HECW1: variants seen among roughly 807,000 people sequenced by gnomAD.
The protein encoded by HECW1 is E3 ubiquitin-protein ligase HECW1.
HECW1 carries 61 observed loss-of-function variants against 182.3 expected under a neutral mutation model. That is an observed-to-expected ratio of 0.33 (90% CI 0.27 to 0.41). The LOEUF is 0.41. Among genes scored for constraint, HECW1 ranks in the 10% least tolerant of loss-of-function variants. HECW1 has a pLI of 1.00. For missense variants in HECW1, 1,739 were observed against 2,108.9 expected (o/e 0.82, Z 3.44); for synonymous variants, 859 against 832.6 (o/e 1.03, Z -0.55).
At chr7:43,223,563 G>A (rs150850149) in intron 2 of HECW1, among the ~76,000 whole-genome samples, 5 of 152,006 alleles carry the variant, frequency 3.3e-5, no homozygotes, top group African/African-American at 1.2e-4. Flanking sequence ...AAGTTGAAGC[G>A]AGCTGAGATT....
At chr7:43,170,598 T>C (rs566214786) in intron 2 of HECW1, among the ~76,000 whole-genome samples, 1 of 152,214 alleles carries the variant, frequency 6.6e-6, no homozygotes, top group South Asian at 2.1e-4. Flanking sequence ...GAGGTCAGGG[T>C]GGCTGGAAAA....
At chr7:43,466,061 G>GGGAA (rs879276555) in intron 14 of HECW1, among the ~76,000 whole-genome samples, 1 of 128,250 alleles carries the variant, frequency 7.8e-6, no homozygotes, top group Non-Finnish European at 1.6e-5. Context: ...GAGGGAGGGA[G>GGGAA]GGAAGGAAGG....
intron 24 of HECW1, among the ~76,000 whole-genome samples, chr7:43,520,657 T>TA (rs1563084463): frequency 1.2e-4 from 18 of 152,102 alleles, no homozygotes; most frequent in East Asian, 1.2e-3. Flanking sequence ...AAGGTTTTTT[T>TA]TAAAAAAAAC....
chr7:43,347,033 A>G (rs906981492), intron 5 of HECW1, among the ~76,000 whole-genome samples: 1 of 152,084 alleles, frequency 6.6e-6, no homozygotes, highest in Non-Finnish European at 1.5e-5. Flanking sequence ...GTGAAGAATG[A>G]TGGTGGTATT....
At chr7:43,533,678 A>C (rs559324002) in intron 24 of HECW1, among the ~76,000 whole-genome samples, 9 of 152,286 alleles carry the variant, frequency 5.9e-5, no homozygotes, top group East Asian at 1.9e-4. Context: ...AACAGACCTC[A>C]GTGTCCTGCC....
chr7:43,166,766 G>A (rs1791167306), intron 2 of HECW1, among the ~76,000 whole-genome samples: 1 of 152,176 alleles, frequency 6.6e-6, no homozygotes, highest in Non-Finnish European at 1.5e-5. Context: ...TGTTGGTCAG[G>A]TGGAAAGGGC....
At chr7:43,560,319 G>GT (rs1473407827) in intron 29 of HECW1, among the ~76,000 whole-genome samples, 4 of 152,192 alleles carry the variant, frequency 2.6e-5, no homozygotes, top group African/African-American at 9.6e-5. Context: ...AGGAAGGCCT[G>GT]TTTGAATCTT....
intron 2 of HECW1, among the ~76,000 whole-genome samples, chr7:43,137,917 G>C (rs915630881): frequency 5.3e-5 from 8 of 150,496 alleles, no homozygotes; most frequent in African/African-American, 2.0e-4. Flanking sequence ...AAATCCAGAT[G>C]TCATATTATT....
chr7:43,495,085 A>G (rs76205128), intron 19 of HECW1, among the ~76,000 whole-genome samples: 24,282 of 152,148 alleles, frequency 0.16, 2,483 homozygotes, highest in South Asian at 0.23. Context: ...TGATGTTACC[A>G]TGGCATTTGT....
At chr7:43,231,660 G>A (rs551355407) in intron 2 of HECW1, among the ~76,000 whole-genome samples, 11 of 152,180 alleles carry the variant, frequency 7.2e-5, no homozygotes, top group South Asian at 2.1e-4. Flanking sequence ...CTCAGCTGTC[G>A]TCAGCAGGAA....
chr7:43,465,120 T>C (rs2077719779), intron 14 of HECW1, among the ~76,000 whole-genome samples: 1 of 152,144 alleles, frequency 6.6e-6, no homozygotes, highest in Non-Finnish European at 1.5e-5. Flanking sequence ...ATTTCTTTGT[T>C]CAAACTTCTG....
At chr7:43,426,592 A>T (rs2076370187) in intron 8 of HECW1, among the ~76,000 whole-genome samples, 1 of 152,120 alleles carries the variant, frequency 6.6e-6, no homozygotes, top group Non-Finnish European at 1.5e-5. Flanking sequence ...TTCCTTTCTT[A>T]TGCTTATTCA....
intron 6 of HECW1, 199 bp from the exon 7 acceptor site, chr7:43,396,615 C>G (rs2075240277): frequency 2.0e-6 from 1 of 488,880 alleles, no homozygotes; most frequent in Admixed American, 3.5e-5. Flanking sequence ...TACCCATCAC[C>G]CCCACTAGCA....
At chr7:43,392,008 G>A (rs996118022) in intron 6 of HECW1, among the ~76,000 whole-genome samples, 1 of 152,128 alleles carries the variant, frequency 6.6e-6, no homozygotes, top group African/African-American at 2.4e-5. Flanking sequence ...GATGCAAAGT[G>A]GAACTCGTAA....
intron 3 of HECW1, among the ~76,000 whole-genome samples, chr7:43,303,842 CT>C (rs1381287757): frequency 1.3e-5 from 2 of 152,112 alleles, no homozygotes; most frequent in African/African-American, 2.4e-5. Flanking sequence ...ACACCCGCCC[CT>C]GTCCCACAAC....
chr7:43,324,041 G>GAA (rs5883862), intron 5 of HECW1, among the ~76,000 whole-genome samples: 7 of 150,378 alleles, frequency 4.7e-5, no homozygotes, highest in South Asian at 2.1e-4. Context: ...TCTCAAAAAA[G>GAA]AAAAAAAAAG....
At position 43,479,658 on chromosome 7, in the gene HECW1, C is replaced by T; in HGVS notation, c.3148C>T (p.Arg1050Ter). 3 of 1,614,058 alleles carry T rather than the reference C, an allele frequency of 1.9e-6. No homozygotes were observed. The highest frequency in any genetic ancestry group is 1.1e-5 in the South Asian group (1 of 91,066). The change falls in exon 17 of 30, where the codon CGA becomes TGA. Residue 1050 changes from arginine (R) to a stop codon, truncating the protein, a stop_gained. Coordinates refer to ENST00000395891, the MANE Select transcript of HECW1 (RefSeq NM_015052.5). LOFTEE classifies it high-confidence loss of function. ...NSRATTFIDP[R>*]IPLQNGRLPN... ...TCGAGCTACCACTTTCATTGACCCC[C>T]GAATCCCTCTTCAGAACGGTCGTCT...
intron 16 of HECW1, among the ~76,000 whole-genome samples, 166 bp downstream of exon 16, chr7:43,469,271 A>G (rs1585005149): frequency 6.6e-6 from 1 of 152,080 alleles, no homozygotes; most frequent in Non-Finnish European, 1.5e-5. Context: ...GGGTTTCTCA[A>G]CCTCAGCACT....
chr7:43,549,602 A>G (rs1263999445), intron 26 of HECW1, among the ~76,000 whole-genome samples: 2 of 152,192 alleles, frequency 1.3e-5, no homozygotes, highest in African/African-American at 4.8e-5. Context: ...TGAAAAGATG[A>G]TACACAGATA....
Sources: allele counts gnomAD v4.1 joint callset (sites outside exome capture counted in the v4.1 genomes callset), GRCh38; gene constraint gnomAD v4.1.1; transcripts MANE v1.5; gene names NCBI Gene and HGNC (gene_info 2026-07-23, HGNC 2026-07-21).